The following GRM8 variants were observed in gnomAD, a reference collection of about 807,000 sequenced individuals.
The protein encoded by GRM8 is metabotropic glutamate receptor 8.
A neutral mutation model predicts 87.2 loss-of-function variants in GRM8; 47 were observed. That is an observed-to-expected ratio of 0.54 (90% confidence interval 0.43 to 0.69). The LOEUF is 0.69. GRM8 is among the 30% of genes least tolerant of loss of function. GRM8 has a pLI of 0.00. For missense variants in GRM8, 1,019 were observed against 1,139.2 expected, an observed-to-expected ratio of 0.89 and a Z score of 1.52; for synonymous variants, 396 against 404.5, an observed-to-expected ratio of 0.98 and a Z score of 0.25.
intron 3 of GRM8, among the ~76,000 whole-genome samples, chr7:126,955,702 G>A (rs1255488779): frequency 6.6e-6 from 1 of 152,006 alleles, no homozygotes; most frequent in Non-Finnish European, 1.5e-5. Flanking sequence ...ATCCCAATGG[G>A]TCTTTTCCCC....
chr7:126,814,557 T>A (rs73720802), intron 6 of GRM8, among the ~76,000 whole-genome samples: 3,822 of 152,080 alleles, frequency 0.025, 167 homozygotes, highest in African/African-American at 0.088. Flanking sequence ...AAAAAGATGA[T>A]CTTGGACAGT....
At chr7:127,186,827 T>A (rs894740997) in intron 2 of GRM8, among the ~76,000 whole-genome samples, 1 of 152,228 alleles carries the variant, frequency 6.6e-6, no homozygotes, top group African/African-American at 2.4e-5. Context: ...AAGTTGGTTA[T>A]GCCTTCTTTG....
intron 9 of GRM8, among the ~76,000 whole-genome samples, chr7:126,469,221 A>G (rs1413391300): frequency 1.3e-5 from 2 of 152,134 alleles, no homozygotes; most frequent in East Asian, 3.9e-4. Flanking sequence ...GTCTTCTGAG[A>G]TTCTCTAACA....
At chr7:126,862,533 CTTTTCTT>C (rs1338065792) in intron 6 of GRM8, among the ~76,000 whole-genome samples, 1 of 151,998 alleles carries the variant, frequency 6.6e-6, no homozygotes, top group African/African-American at 2.4e-5. Context: ...TCCCTACATA[CTTTTCTT>C]AACTTTATTG....
At position 127,027,766 on chromosome 7, in the gene GRM8, G is replaced by A. The variant is rs574685680; in HGVS notation, c.727+78730C>T. ...TGGGATTTTCTAAATATACAATCAT[G>A]TCATCTGCAAACAGAGACAAATTGA... is the stretch of plus-strand genomic sequence containing the variant. On this transcript the variant is annotated intron_variant, in intron 3 of 10. Transcript: ENST00000339582. Among the ~76,000 whole-genome samples the A allele has an allele frequency of 1.8e-4, 27 of 152,286 alleles. No individual in the cohort carries two copies. The East Asian group carries it at 5.0e-3, about 28-fold the overall frequency.
chr7:126,769,797 T>C, intron 7 of GRM8, 68 bp downstream of exon 7: 1 of 1,003,208 alleles, frequency 1.0e-6, no homozygotes, highest in Non-Finnish European at 1.6e-6. Flanking sequence ...GGGTATCTTC[T>C]ATATATAGGA....
At chr7:126,643,345 TATATATATATAG>T (rs1254875222) in intron 7 of GRM8, among the ~76,000 whole-genome samples, 1 of 102,230 alleles carries the variant, frequency 9.8e-6, no homozygotes, top group African/African-American at 4.0e-5. Flanking sequence ...TATATATATA[TATATATATATAG>T]TTTGAAGCAA....
rs532415217 is a variant in GRM8, at chr7:127,111,927, C to T, written c.511-5215G>A. On this transcript the variant is annotated intron_variant, in intron 2 of 10. Coordinates refer to ENST00000339582, the MANE Select transcript of GRM8 (RefSeq NM_000845.3). ...CCTGTAATCCCAGCTACTCAGGAGG[C>T]TGAGACAAGAGAATCACTTGAACCC... is the stretch of plus-strand genomic sequence containing the variant. Among the ~76,000 whole-genome samples, 9 of 152,004 alleles carry T rather than the reference C, an allele frequency of 5.9e-5. No homozygotes were observed. The South Asian group carries it at 1.9e-3, about 32-fold the overall frequency.
At chr7:126,544,955 A>G (rs1368227936) in intron 8 of GRM8, among the ~76,000 whole-genome samples, 2 of 152,222 alleles carry the variant, frequency 1.3e-5, no homozygotes, top group Non-Finnish European at 2.9e-5. Context: ...ATCAGAAGCA[A>G]AAAGTCAAAA....
chr7:127,156,274 C>T (rs1029430473), intron 2 of GRM8, among the ~76,000 whole-genome samples: 1 of 152,092 alleles, frequency 6.6e-6, no homozygotes, highest in Admixed American at 6.6e-5. Context: ...CAGCACCAGC[C>T]CACCTTCGTA....
At chr7:126,806,958 G>C (rs912453489) in intron 6 of GRM8, among the ~76,000 whole-genome samples, 6 of 152,208 alleles carry the variant, frequency 3.9e-5, no homozygotes, top group Admixed American at 1.3e-4. Context: ...ACAGCTCAGC[G>C]GTGGGCTGAA....
intron 6 of GRM8, among the ~76,000 whole-genome samples, chr7:126,880,227 A>G (rs1799901705): frequency 6.6e-6 from 1 of 152,234 alleles, no homozygotes; most frequent in Non-Finnish European, 1.5e-5. Context: ...CCACACCAAA[A>G]GAGAACATTT....
chr7:126,940,122 A>G (rs1033743710), intron 3 of GRM8, among the ~76,000 whole-genome samples: 10 of 152,200 alleles, frequency 6.6e-5, no homozygotes, highest in African/African-American at 2.2e-4. Context: ...AACTGAAGGG[A>G]AAATGAGTCT....
At chr7:127,146,396 C>T (rs891989976) in intron 2 of GRM8, among the ~76,000 whole-genome samples, 1 of 152,050 alleles carries the variant, frequency 6.6e-6, no homozygotes. Context: ...AGAGCTATGG[C>T]TTGAAGAGAC....
chr7:126,527,962 T>C (rs1814134899), intron 9 of GRM8, among the ~76,000 whole-genome samples: 1 of 152,160 alleles, frequency 6.6e-6, no homozygotes, highest in African/African-American at 2.4e-5. Flanking sequence ...ATCCAGCATT[T>C]TGGGAGGCTA....
chr7:127,112,397 G>C (rs192230481), intron 2 of GRM8: 1 of 152,118 alleles, frequency 6.6e-6, no homozygotes, highest in Non-Finnish European at 1.5e-5. Context: ...TGTGTATTCT[G>C]TTTCCCCTAC....
intron 7 of GRM8, among the ~76,000 whole-genome samples, chr7:126,661,858 A>G (rs1805213285): frequency 6.6e-6 from 1 of 151,598 alleles, no homozygotes; most frequent in African/African-American, 2.4e-5. Flanking sequence ...TTTCAAATCA[A>G]TATGCCACTT....
At chr7:126,521,891 A>G (rs1159197451) in intron 9 of GRM8, among the ~76,000 whole-genome samples, 7 of 152,260 alleles carry the variant, frequency 4.6e-5, no homozygotes, top group African/African-American at 1.7e-4. Flanking sequence ...TATTTAGCAG[A>G]TTTGTTTACT....
chr7:126,923,494 T>C (rs1804756206), intron 3 of GRM8, among the ~76,000 whole-genome samples: 1 of 152,140 alleles, frequency 6.6e-6, no homozygotes, highest in South Asian at 2.1e-4. Flanking sequence ...GTTTGCAATA[T>C]AATATTATCT....
Sources: allele counts gnomAD v4.1 joint callset (sites outside exome capture counted in the v4.1 genomes callset), GRCh38; gene constraint gnomAD v4.1.1; transcripts MANE v1.5; gene names NCBI Gene and HGNC (gene_info 2026-07-23, HGNC 2026-07-21).